The following ULK1 variants were observed in gnomAD, a reference collection of about 807,000 sequenced individuals.
ULK1 encodes unc-51 like autophagy activating kinase 1.
ULK1 carries 48 observed loss-of-function variants against 117.5 expected under a neutral mutation model. That is an observed-to-expected ratio of 0.41 (90% CI 0.32 to 0.52). The LOEUF (loss-of-function observed/expected upper bound fraction) is 0.52. Among genes scored for constraint, ULK1 ranks in the 20% least tolerant of loss-of-function variants. The pLI, the probability that ULK1 is intolerant of heterozygous loss-of-function variation, is 0.29. For missense variants in ULK1, 1,387 were observed against 1,473.4 expected, an observed-to-expected ratio of 0.94 and a Z score of 0.96; for synonymous variants, 790 against 637.8, an observed-to-expected ratio of 1.24 and a Z score of -3.60.
At chr12:131,918,289 G>C in intron 22 of ULK1, 1 of 631,778 alleles carries the variant, frequency 1.6e-6, no homozygotes, top group Non-Finnish European at 2.7e-6. Flanking sequence ...TGGGGAGCTG[G>C]GGACTTGGGG....
chr12:131,894,821 G>T lies in ULK1; in HGVS notation c.-181G>T. On this transcript the variant is annotated 5_prime_UTR_variant, in exon 1 of 28. Transcript: ENST00000321867. ...GACCCTCGGACCCCGCCTGGCCCGCGGGGCTGGGACCCGGCCCCGGCCTGC... is the reference window on the plus strand; with the variant it reads ...GACCCTCGGACCCCGCCTGGCCCGCTGGGCTGGGACCCGGCCCCGGCCTGC... 2 of 150,730 alleles carry T rather than the reference G, an allele frequency of 1.3e-5. No individual in the cohort carries two copies. The highest frequency in any genetic ancestry group is 4.0e-4 in the South Asian group (2 of 5,000). The allele number at this position is 150,730 out of a possible 1,614,324, so 9.3% of individuals were successfully genotyped here.
chr12:131,913,925 C>T (rs1023439482), intron 15 of ULK1, 89 bp downstream of exon 15: 78 of 1,183,870 alleles, frequency 6.6e-5, no homozygotes, highest in Non-Finnish European at 8.7e-5. Flanking sequence ...CCAGCCCAGG[C>T]CTGCTGTGTC....
chr12:131,915,021 G>A, intron 16 of ULK1, 62 bp from the exon 17 acceptor site: 2 of 1,505,580 alleles, frequency 1.3e-6, no homozygotes, highest in Non-Finnish European at 1.8e-6. Flanking sequence ...CAGGTCCTCT[G>A]CCGTCCACAG....
Position 131,916,925 on chromosome 12 carries a change from C to T in ULK1, c.2073-28C>T, listed in dbSNP as rs867222090. 5.1e-6 allele frequency: 8 copies of T among 1,580,984 alleles called. No individual in the cohort carries two copies. The Middle Eastern group carries it at 1.2e-3, about 235-fold the overall frequency. On this transcript the variant is annotated intron_variant, in intron 20 of 27. Coordinates refer to ENST00000321867, the MANE Select transcript of ULK1 (RefSeq NM_003565.4). ...CAGTTAGGGTGGGGTGGGCCGGGCA[C>T]CCAGCACAGCCCTGCACACTCCCAC...
chr12:131,907,477 G>A lies in ULK1; in HGVS notation c.280-18G>A, dbSNP rs376822410. ...CCTGGGCCCTGCTGCAGCCTGATGC[G>A]TGTCTGGTCTCTTGCAGTACTGCAA... is the stretch of plus-strand genomic sequence containing the variant. On this transcript the variant is annotated intron_variant, in intron 4 of 27. Coordinates refer to ENST00000321867, the MANE Select transcript of ULK1 (RefSeq NM_003565.4). 106 of 1,612,312 alleles carry A rather than the reference G, an allele frequency of 6.6e-5. No homozygotes were observed. Among genetic ancestry groups the A allele is most frequent in the Non-Finnish European group, 8.4e-5 (99 of 1,179,526 alleles).
chr12:131,917,440 C>T lies in ULK1; in HGVS notation c.2212C>T (p.His738Tyr), dbSNP rs1889903685. 6.5e-7 allele frequency: 1 copy of T among 1,541,788 alleles called. No individual in the cohort carries two copies. The highest frequency in any genetic ancestry group is 1.2e-5 in the South Asian group (1 of 82,958). ...CTCAGCTGGCTTTGGAGGGAGCCTG[C>T]ACCCAGGAGCCCGTGCTGGGGGCAC... ...APSAGFGGSL[H>Y]PGARAGGTSS... Residue 738 changes from histidine to tyrosine, a missense_variant, in exon 22 of 28, where the codon CAC (histidine) becomes TAC (tyrosine). His to Tyr is a moderately conservative substitution (Grantham distance 83, BLOSUM62 2). This residue lies in a region of ULK1 where 900 missense variants were observed against 858.9 expected (regional missense o/e 1.05). Transcript: ENST00000321867.
chr12:131,909,662 C>G (rs985461481), intron 8 of ULK1, 113 bp from the exon 9 acceptor site: 3 of 1,163,104 alleles, frequency 2.6e-6, no homozygotes, highest in East Asian at 2.6e-5. Context: ...CGGTTTCCCC[C>G]GGGCTTCGCA....
chr12:131,909,872 G>A (rs933786749), intron 9 of ULK1, 39 bp downstream of exon 9: 1 of 1,610,214 alleles, frequency 6.2e-7, no homozygotes, highest in Non-Finnish European at 8.5e-7. Context: ...TCCCCCGCGG[G>A]CTCCGGCCCC....
intron 26 of ULK1, chr12:131,920,819 C>T: frequency 2.3e-6 from 1 of 432,404 alleles, no homozygotes; most frequent in African/African-American, 2.0e-5. Flanking sequence ...CCCAGGCAGG[C>T]CAGGCAGCAG....
chr12:131,913,326 T>A, intron 14 of ULK1, 68 bp downstream of exon 14: 1 of 1,436,180 alleles, frequency 7.0e-7, no homozygotes, highest in Non-Finnish European at 9.2e-7. Flanking sequence ...TGGCCCGTGT[T>A]ATTTACAATG....
Position 131,922,256 on chromosome 12 carries a change from C to T in ULK1, c.*895C>T, listed in dbSNP as rs532066108. 1 of 354,032 alleles carries T rather than the reference C, an allele frequency of 2.8e-6. No individual in the cohort carries two copies. Among genetic ancestry groups the T allele is most frequent in the Admixed American group, 3.8e-5 (1 of 26,392 alleles). 21.9% of individuals were successfully genotyped at this position (354,032 alleles called of 1,614,324 possible). A position where few individuals can be genotyped will look rare whatever the true frequency, so the allele number is the denominator to read the frequency against. On this transcript the variant is annotated 3_prime_UTR_variant, in exon 28 of 28. Transcript: ENST00000321867. Reference sequence around the variant, plus strand: ...ACTGGGCCAGGTTAGAGGCAGATGGCACAGGGGCGTGTGGCGGGCGGGTGA... The same window carrying T: ...ACTGGGCCAGGTTAGAGGCAGATGGTACAGGGGCGTGTGGCGGGCGGGTGA...
At position 131,922,307 on chromosome 12, in the gene ULK1, G is replaced by C; in HGVS notation, c.*946G>C. ...GGCTGCTTTGCACACCTGTGTTGGTGGCTGTCCCCTGCCGCCCCTCCCTGT... is the reference window on the plus strand; with the variant it reads ...GGCTGCTTTGCACACCTGTGTTGGTCGCTGTCCCCTGCCGCCCCTCCCTGT... On this transcript the variant is annotated 3_prime_UTR_variant, in exon 28 of 28. Coordinates refer to ENST00000321867, the MANE Select transcript of ULK1 (RefSeq NM_003565.4). 1 of 332,406 alleles carries C rather than the reference G, an allele frequency of 3.0e-6. No individual in the cohort carries two copies. Among genetic ancestry groups the C allele is most frequent in the Non-Finnish European group, 6.0e-6 (1 of 167,732 alleles). The allele number at this position is 332,406 out of a possible 1,614,324, so 20.6% of individuals were successfully genotyped here.
At chr12:131,895,381 C>T (rs1039115613) in intron 1 of ULK1, among the ~76,000 whole-genome samples, 1 of 151,704 alleles carries the variant, frequency 6.6e-6, no homozygotes, top group Non-Finnish European at 1.5e-5. Context: ...TCCAAACCCT[C>T]ACCCCGGGAC....
intron 3 of ULK1, among the ~76,000 whole-genome samples, chr12:131,905,035 G>T (rs2136385589): frequency 6.6e-6 from 1 of 152,262 alleles, no homozygotes; most frequent in East Asian, 1.9e-4. Flanking sequence ...GGGGCTTGGG[G>T]TGCACAGGCT....
intron 18 of ULK1, 113 bp from the exon 19 acceptor site, chr12:131,915,778 A>G (rs1205090479): frequency 1.4e-5 from 20 of 1,446,460 alleles, no homozygotes; most frequent in Non-Finnish European, 1.8e-5. Flanking sequence ...CAACAAAAGA[A>G]AAAGAGTGGG....
rs1210696664 is a variant in ULK1 at position 131,895,827 on chromosome 12, A to G, written c.246+3A>G. On this transcript the variant is annotated splice_donor_region_variant and intron_variant, in intron 3 of 27. Transcript: ENST00000321867. ...TCGTGGCCCTGTACGACTTCCAGGT[A>G]AGGCCTCTGGGCTGCGGTCTGCTGG... 3.7e-6 allele frequency: 6 copies of G among 1,614,012 alleles called. No homozygotes were observed. In the East Asian group the frequency reaches 6.7e-5, roughly 18 times the overall value.
chr12:131,919,715 C>T (rs868051675), intron 25 of ULK1, 125 bp downstream of exon 25: 175 of 1,145,444 alleles, frequency 1.5e-4, no homozygotes, highest in Middle Eastern at 2.7e-4. Context: ...GCAGAGGCCC[C>T]GGGGCCTGGC....
chr12:131,916,251 T>C, intron 19 of ULK1, 92 bp downstream of exon 19: 1 of 1,539,766 alleles, frequency 6.5e-7, no homozygotes, highest in South Asian at 1.2e-5. Context: ...GGAAGGCAGC[T>C]CTGTACCTTT....
rs1156272112 is a variant in ULK1, at chr12:131,894,772, T to A, written c.-230T>A. 4.6e-5 allele frequency: 7 copies of A among 150,578 alleles called. No individual in the cohort carries two copies. Among genetic ancestry groups the A allele is most frequent in the Admixed American group, 4.6e-4 (7 of 15,058 alleles). 9.3% of individuals were successfully genotyped at this position (150,578 alleles called of 1,614,324 possible). On this transcript the variant is annotated 5_prime_UTR_variant, in exon 1 of 28. Coordinates refer to ENST00000321867, the MANE Select transcript of ULK1 (RefSeq NM_003565.4). ...GATTAGCAGCCCGGGAAGAGTGCCG[T>A]GGCACAGGCGCCGGAGGGAGCGCGA...
Sources: gnomAD v4.1 joint callset for allele counts (sites outside exome capture counted in the v4.1 genomes callset) on GRCh38, gnomAD v4.1.1 for gene constraint, gnomAD v4.1.1 regional missense constraint, MANE v1.5 for transcripts, NCBI Gene and HGNC (gene_info 2026-07-23, HGNC 2026-07-21) for gene names.